The following SUPT3H variants were observed in gnomAD, a reference collection of about 807,000 sequenced individuals.
The protein encoded by SUPT3H is transcription initiation protein SPT3 homolog.
SUPT3H carries 44 observed loss-of-function variants against 44.3 expected under a neutral mutation model. The observed-to-expected ratio is 0.99, with a 90% CI of 0.78 to 1.28. The LOEUF (loss-of-function observed/expected upper bound fraction) is 1.28. Ranked by LOEUF, SUPT3H falls within the 50% of genes most tolerant of loss-of-function variation. SUPT3H has a pLI of 0.00. For synonymous variants in SUPT3H, 124 were observed against 125.6 expected, an observed-to-expected ratio of 0.99 and a Z score of 0.09; for missense variants, 380 against 387.1, an observed-to-expected ratio of 0.98 and a Z score of 0.15.
chr6:45,162,439 A>G (rs1809163288), intron 2 of SUPT3H, among the ~76,000 whole-genome samples: 1 of 152,106 alleles, frequency 6.6e-6, no homozygotes, highest in African/African-American at 2.4e-5. Flanking sequence ...CAGGAGGAAT[A>G]CTTAAGCCCA....
intron 10 of SUPT3H, among the ~76,000 whole-genome samples, chr6:44,878,390 C>T (rs950708252): frequency 7.2e-5 from 11 of 151,998 alleles, no homozygotes; most frequent in African/African-American, 2.7e-4. Context: ...TGTTTCTAAT[C>T]TCCTATCATA....
chr6:44,817,245 A>T (rs1392407626), intron 11 of SUPT3H, among the ~76,000 whole-genome samples: 1 of 152,136 alleles, frequency 6.6e-6, no homozygotes, highest in Admixed American at 6.5e-5. Flanking sequence ...AAAAAAAAAA[A>T]ACTCATTGTC....
chr6:45,186,202 C>T (rs958753913), intron 2 of SUPT3H, among the ~76,000 whole-genome samples: 1 of 151,984 alleles, frequency 6.6e-6, no homozygotes, highest in Non-Finnish European at 1.5e-5. Context: ...CTCACCTAGC[C>T]CTCATGTTAC....
chr6:45,296,834 G>A (rs992319431), intron 2 of SUPT3H, among the ~76,000 whole-genome samples: 4 of 138,134 alleles, frequency 2.9e-5, no homozygotes, highest in Admixed American at 7.6e-5. Flanking sequence ...CACCACTAAA[G>A]AACTTATTCA....
rs16872923 is a variant in SUPT3H, at chr6:44,953,386, T to C, written c.725A>G (p.Asp242Gly). The change falls in exon 9 of 11, where the codon GAC becomes GGC. Residue 242 changes from aspartate (D) to glycine (G), a missense_variant. By Grantham distance (94) the Asp-to-Gly change is moderately conservative. Coordinates refer to ENST00000371459, the MANE Select transcript of SUPT3H (RefSeq NM_003599.4). ...LVDLALLVRQ[D>G]MVTKAGDPFS... ...GGGGTCCCCTGCCTTGGTTACCATG[T>C]CTTGCCTCACAAGAAGAGCCAGATC... 3.1e-6 allele frequency: 5 copies of C among 1,614,136 alleles called. No individual in the cohort carries two copies. The highest frequency in any genetic ancestry group is 2.7e-5 in the African/African-American group (2 of 75,046).
At position 45,027,635 on chromosome 6, in the gene SUPT3H, C is replaced by T. The variant is rs116697614; in HGVS notation, c.187-7003G>A. Among the ~76,000 whole-genome samples, 403 of 152,246 alleles carry T rather than the reference C, an allele frequency of 2.6e-3. 3 individuals carry two copies. The highest frequency in any genetic ancestry group is 8.6e-3 in the African/African-American group (357 of 41,548). ...TTAAAAAATAGGCACTTAACTAGAA[C>T]GGATTCAAACTACAACATCTTTTTC... On this transcript the variant is annotated intron_variant, in intron 3 of 10. Transcript: ENST00000371459.
intron 10 of SUPT3H, among the ~76,000 whole-genome samples, chr6:44,904,545 C>T (rs941566710): frequency 3.3e-5 from 5 of 152,178 alleles, no homozygotes; most frequent in African/African-American, 1.2e-4. Flanking sequence ...GAAGAACACT[C>T]CATGCTCATG....
At chr6:45,063,010 G>A (rs921181492) in intron 3 of SUPT3H, among the ~76,000 whole-genome samples, 19 of 151,298 alleles carry the variant, frequency 1.3e-4, no homozygotes, top group Admixed American at 6.6e-5. Context: ...TGGGGGCAGG[G>A]CACAGACAAA....
At chr6:45,296,410 AG>A (rs1475327087) in intron 2 of SUPT3H, among the ~76,000 whole-genome samples, 1 of 151,804 alleles carries the variant, frequency 6.6e-6, no homozygotes, top group Non-Finnish European at 1.5e-5. Flanking sequence ...TTGGGGACTC[AG>A]GGGGAAAGGG....
At position 44,880,494 on chromosome 6, in the gene SUPT3H, A is replaced by G. The variant is rs1021904020; in HGVS notation, c.913-50637T>C. Among the ~76,000 whole-genome samples the G allele has an allele frequency of 5.9e-5, 9 of 152,176 alleles. No individual in the cohort carries two copies. The South Asian group carries it at 1.7e-3, about 28-fold the overall frequency. Reference sequence around the variant, plus strand: ...GACGGGGAGAATGGAACCAAGTTGGAAAACACTCTGCAGGATATTATCCAG... The same window carrying G: ...GACGGGGAGAATGGAACCAAGTTGGGAAACACTCTGCAGGATATTATCCAG... On this transcript the variant is annotated intron_variant, in intron 10 of 10. Transcript: ENST00000371459.
At chr6:45,347,457 C>G (rs1178390015) in intron 2 of SUPT3H, among the ~76,000 whole-genome samples, 1 of 151,778 alleles carries the variant, frequency 6.6e-6, no homozygotes, top group Non-Finnish European at 1.5e-5. Context: ...CATAATGAAC[C>G]CAAAAGGAAT....
intron 10 of SUPT3H, among the ~76,000 whole-genome samples, chr6:44,911,759 T>A (rs1767088657): frequency 1.3e-5 from 2 of 152,176 alleles, no homozygotes; most frequent in African/African-American, 4.8e-5. Flanking sequence ...ATACGAATTG[T>A]TACTGTTTTT....
At chr6:45,231,344 T>A (rs1210105653) in intron 2 of SUPT3H, among the ~76,000 whole-genome samples, 1 of 152,202 alleles carries the variant, frequency 6.6e-6, no homozygotes, top group East Asian at 1.9e-4. Context: ...CCTTCCTTCA[T>A]GAAGAATCAT....
At chr6:45,067,816 G>C (rs1442663273) in intron 3 of SUPT3H, among the ~76,000 whole-genome samples, 272 of 144,308 alleles carry the variant, frequency 1.9e-3, no homozygotes, top group African/African-American at 6.6e-3. Flanking sequence ...GGAAACAACA[G>C]GTGCTGGAGA....
Position 44,887,194 on chromosome 6 carries a change from C to T in SUPT3H, c.912+45459G>A, listed in dbSNP as rs555537828. ...GGAGACTTTAACACCCCACTGTCAA[C>T]ATTAGACACATCAACGAGACAGAAA... is the stretch of plus-strand genomic sequence containing the variant. On this transcript the variant is annotated intron_variant, in intron 10 of 10. Coordinates refer to ENST00000371459, the MANE Select transcript of SUPT3H (RefSeq NM_003599.4). 3.8e-3 allele frequency among the ~76,000 whole-genome samples: 575 copies of T among 152,240 alleles called. 3 individuals are homozygous for T. The highest frequency in any genetic ancestry group is 0.031 in the Middle Eastern group (9 of 294).
At chr6:45,323,344 C>T (rs1044058918) in intron 2 of SUPT3H, among the ~76,000 whole-genome samples, 1 of 152,056 alleles carries the variant, frequency 6.6e-6, no homozygotes, top group African/African-American at 2.4e-5. Flanking sequence ...GATTTATAAA[C>T]GGAAACCTTA....
chr6:45,219,694 G>C (rs1485318463), intron 2 of SUPT3H, among the ~76,000 whole-genome samples: 1 of 152,094 alleles, frequency 6.6e-6, no homozygotes, highest in Non-Finnish European at 1.5e-5. Context: ...TTTAAGTGGA[G>C]AATTCAAAAT....
At chr6:44,963,310 C>T (rs1776315804) in intron 6 of SUPT3H, among the ~76,000 whole-genome samples, 1 of 152,068 alleles carries the variant, frequency 6.6e-6, no homozygotes, top group Non-Finnish European at 1.5e-5. Flanking sequence ...TCAGCCTGGC[C>T]AACATGGCAA....
chr6:45,182,066 A>C (rs1464373998), intron 2 of SUPT3H, among the ~76,000 whole-genome samples: 1 of 151,946 alleles, frequency 6.6e-6, no homozygotes, highest in Non-Finnish European at 1.5e-5. Flanking sequence ...GTTGTACTTT[A>C]CCTTAATAAA....
Sources: gnomAD v4.1 joint callset for allele counts (sites outside exome capture counted in the v4.1 genomes callset) on GRCh38, gnomAD v4.1.1 for gene constraint, MANE v1.5 for transcripts, NCBI Gene and HGNC (gene_info 2026-07-23, HGNC 2026-07-21) for gene names.